The following RAB3GAP1 variants were observed in gnomAD, a reference collection of about 807,000 sequenced individuals.
RAB3GAP1 encodes rab3 GTPase-activating protein catalytic subunit.
A neutral mutation model predicts 130.7 loss-of-function variants in RAB3GAP1; 86 were observed. The observed-to-expected ratio is 0.66, with a 90% confidence interval of 0.55 to 0.79. RAB3GAP1 has a LOEUF of 0.79. Ranked by LOEUF, RAB3GAP1 falls within the 30% of genes least tolerant of loss-of-function variation. The probability of loss-of-function intolerance (pLI) is 0.00; values close to 1 mark genes in which losing one functional copy is unlikely to be tolerated. For missense variants in RAB3GAP1, 1,029 were observed against 1,169.4 expected, an observed-to-expected ratio of 0.88 and a Z score of 1.75; for synonymous variants, 367 against 401.7, an observed-to-expected ratio of 0.91 and a Z score of 1.03.
chr2:135,144,061 C>T (rs539437232), intron 17 of RAB3GAP1, among the ~76,000 whole-genome samples: 8 of 152,138 alleles, frequency 5.3e-5, no homozygotes, highest in Middle Eastern at 3.2e-3. Flanking sequence ...CTGGGCCTGC[C>T]GCAGGAGGTG....
chr2:135,108,529 T>TA (rs975519387), intron 5 of RAB3GAP1, among the ~76,000 whole-genome samples: 15 of 150,832 alleles, frequency 9.9e-5, no homozygotes, highest in African/African-American at 3.6e-4. Context: ...TTTTTTTTTT[T>TA]AGCTTCGATT....
chr2:135,109,381 A>G (rs983646311), intron 5 of RAB3GAP1, among the ~76,000 whole-genome samples: 1 of 151,980 alleles, frequency 6.6e-6, no homozygotes, highest in Non-Finnish European at 1.5e-5. Flanking sequence ...CCACTCCTCT[A>G]TTGAAGAATA....
intron 19 of RAB3GAP1, among the ~76,000 whole-genome samples, chr2:135,158,163 A>G (rs539169684): frequency 1.1e-4 from 17 of 152,342 alleles, no homozygotes; most frequent in African/African-American, 3.8e-4. Context: ...TACACAAGCA[A>G]ACATTCCCTG....
chr2:135,141,846 T>C (rs1040768501), intron 17 of RAB3GAP1, among the ~76,000 whole-genome samples: 48 of 152,250 alleles, frequency 3.2e-4, no homozygotes, highest in African/African-American at 1.1e-3. Flanking sequence ...ATCTTTGATG[T>C]AAATCAAGCA....
At chr2:135,173,228 G>C (rs138277486), downstream of RAB3GAP1, among the ~76,000 whole-genome samples, 14 of 152,042 alleles carry the variant, frequency 9.2e-5, no homozygotes, top group East Asian at 2.5e-3. Context: ...TTAAGGAAAG[G>C]GTTAGGGCTT....
intron 22 of RAB3GAP1, among the ~76,000 whole-genome samples, chr2:135,164,106 A>G: frequency 6.6e-6 from 1 of 152,364 alleles, no homozygotes; most frequent in East Asian, 1.9e-4. Flanking sequence ...TGTTTCCAGC[A>G]TCTAATGGCA....
At chr2:135,081,306 C>CAAAAAAAAAAAA (rs1169138978) in intron 3 of RAB3GAP1, among the ~76,000 whole-genome samples, 4 of 13,212 alleles carry the variant, frequency 3.0e-4, no homozygotes, top group African/African-American at 1.1e-3. Flanking sequence ...GACTCCGTCT[C>CAAAAAAAAAAAA]AAAAAAAAAA....
chr2:135,100,089 G>C (rs1690409864), intron 5 of RAB3GAP1, among the ~76,000 whole-genome samples: 4 of 152,228 alleles, frequency 2.6e-5, no homozygotes, highest in Admixed American at 2.6e-4. Flanking sequence ...CTTGGACATA[G>C]CCTAATCTGG....
chr2:135,101,378 T>C (rs1301261679), intron 5 of RAB3GAP1, among the ~76,000 whole-genome samples: 1 of 152,204 alleles, frequency 6.6e-6, no homozygotes, highest in Non-Finnish European at 1.5e-5. Context: ...AATGAAAATT[T>C]GAAAACGATT....
At chr2:135,105,596 C>G (rs940617857) in intron 5 of RAB3GAP1, among the ~76,000 whole-genome samples, 17 of 152,256 alleles carry the variant, frequency 1.1e-4, no homozygotes, top group Middle Eastern at 6.8e-3. Flanking sequence ...CTCCACCTCC[C>G]AGCCGCCTGC....
At position 135,122,553 on chromosome 2, in the gene RAB3GAP1, AC is replaced by A. The variant is rs1487289072; in HGVS notation, c.749-1610del. On this transcript the variant is annotated intron_variant, in intron 8 of 23. Coordinates refer to ENST00000264158, the MANE Select transcript of RAB3GAP1 (RefSeq NM_012233.3). Reference sequence around the variant, plus strand: ...TTTAAAATGGGGATTAAAAATATTAACCTTCTCCCTCAGTAGATTGAAAGCC... The same window carrying A: ...TTTAAAATGGGGATTAAAAATATTAACTTCTCCCTCAGTAGATTGAAAGCC... 5.9e-5 allele frequency among the ~76,000 whole-genome samples: 9 copies of A among 152,110 alleles called. No individual in the cohort carries two copies. In the South Asian group the frequency reaches 1.0e-3, roughly 18 times the overall value.
At chr2:135,059,598 AC>A (rs1233804255) in intron 3 of RAB3GAP1, among the ~76,000 whole-genome samples, 1 of 152,100 alleles carries the variant, frequency 6.6e-6, no homozygotes, top group East Asian at 1.9e-4. Flanking sequence ...GTACTTGGGA[AC>A]CCTTAAATAT....
At chr2:135,058,362 A>C in intron 3 of RAB3GAP1, 6 of 245,218 alleles carry the variant, frequency 2.4e-5, no homozygotes, top group Non-Finnish European at 4.6e-5. Flanking sequence ...TTGTGAGTGA[A>C]GTTTGCTTCT....
intron 8 of RAB3GAP1, 79 bp from the exon 9 acceptor site, chr2:135,124,086 T>G: frequency 2.2e-6 from 3 of 1,353,108 alleles, no homozygotes; most frequent in Non-Finnish European, 3.2e-6. Context: ...TTTAAAGCTA[T>G]GATATTCCAA....
intron 3 of RAB3GAP1, among the ~76,000 whole-genome samples, chr2:135,090,165 C>T (rs1008462589): frequency 8.6e-5 from 13 of 151,946 alleles, no homozygotes; most frequent in Admixed American, 5.2e-4. Flanking sequence ...GATGTACTTA[C>T]GTAATAATAC....
downstream of RAB3GAP1, among the ~76,000 whole-genome samples, chr2:135,173,313 C>G (rs1692911580): frequency 2.0e-5 from 3 of 151,448 alleles, no homozygotes; most frequent in Non-Finnish European, 4.4e-5. Flanking sequence ...CAGAAGAGGT[C>G]TGGGGATTGA....
In RAB3GAP1 at chr2:135,069,667, C is replaced by G. The variant is rs373259296; in HGVS notation, c.150+11581C>G. On this transcript the variant is annotated intron_variant, in intron 3 of 23. Coordinates refer to ENST00000264158, the MANE Select transcript of RAB3GAP1 (RefSeq NM_012233.3). Reference sequence around the variant, plus strand: ...GGCCATGTCATAAAAGATTCTTCATCATCTCAACTACTTCTTTTTGTTCGT... The same window carrying G: ...GGCCATGTCATAAAAGATTCTTCATGATCTCAACTACTTCTTTTTGTTCGT... Among the ~76,000 whole-genome samples the G allele has an allele frequency of 6.2e-4, 95 of 152,230 alleles. 1 individual carries two copies. Among genetic ancestry groups the G allele is most frequent in the African/African-American group, 2.0e-3 (81 of 41,538 alleles).
In RAB3GAP1 at chr2:135,120,667, A is replaced by G. The variant is rs964559300; in HGVS notation, c.649-152A>G. The G allele has an allele frequency of 2.1e-5, 15 of 712,218 alleles. No homozygotes were observed. In the African/African-American group the frequency reaches 2.3e-4, roughly 11 times the overall value. 44.1% of individuals were successfully genotyped at this position (712,218 alleles called of 1,614,324 possible). ...GAATATCATGTTTTTAATAACTAGAATATGCACACTATTGTTTAACACTAG... is the reference window on the plus strand; with the variant it reads ...GAATATCATGTTTTTAATAACTAGAGTATGCACACTATTGTTTAACACTAG... On this transcript the variant is annotated intron_variant, in intron 7 of 23. Transcript: ENST00000264158.
At chr2:135,140,563 A>G (rs1209547462) in intron 17 of RAB3GAP1, among the ~76,000 whole-genome samples, 4 of 152,188 alleles carry the variant, frequency 2.6e-5, no homozygotes, top group Non-Finnish European at 4.4e-5. Context: ...TTAAGCTTCC[A>G]AAAAGCTTCC....
Sources: allele counts gnomAD v4.1 joint callset (sites outside exome capture counted in the v4.1 genomes callset), GRCh38; gene constraint gnomAD v4.1.1; transcripts MANE v1.5; gene names NCBI Gene and HGNC (gene_info 2026-07-23, HGNC 2026-07-21).